The following AFG2A variants were observed in gnomAD, a reference collection of about 807,000 sequenced individuals.
The protein encoded by AFG2A is ATPase family gene 2 protein homolog A.
chr4:123,071,281 G>T, the AFG2A span, among the ~76,000 whole-genome samples: 1 of 152,184 alleles, frequency 6.6e-6, no homozygotes, highest in Admixed American at 6.5e-5. Context: ...AGGAGTTGGA[G>T]ACCAACCTGA....
the AFG2A span, among the ~76,000 whole-genome samples, chr4:123,080,894 TTGAC>T: frequency 2.0e-5 from 3 of 152,212 alleles, no homozygotes; most frequent in East Asian, 1.9e-4. Flanking sequence ...ATTTTTCTAA[TTGAC>T]TGACATCAAT....
the AFG2A span, among the ~76,000 whole-genome samples, chr4:123,135,947 A>G: frequency 6.6e-6 from 1 of 152,332 alleles, no homozygotes; most frequent in African/African-American, 2.4e-5. Flanking sequence ...GTTTTACACT[A>G]ACAACAAACT....
chr4:123,242,512 TTAA>T, the AFG2A span, among the ~76,000 whole-genome samples: 1 of 152,214 alleles, frequency 6.6e-6, no homozygotes, highest in Non-Finnish European at 1.5e-5. Context: ...GATTCCCTAT[TTAA>T]TACATGGTGC....
chr4:122,954,006 A>G, the AFG2A span, among the ~76,000 whole-genome samples: 2 of 152,218 alleles, frequency 1.3e-5, no homozygotes, highest in African/African-American at 4.8e-5. Context: ...GGTGATGTTC[A>G]GCATAGATAG....
chr4:123,100,477 C>A, the AFG2A span, among the ~76,000 whole-genome samples: 1 of 151,788 alleles, frequency 6.6e-6, no homozygotes, highest in African/African-American at 2.4e-5. Context: ...CATTGTTTTT[C>A]CGTCTAAAGC....
chr4:123,032,521 A>G, the AFG2A span, among the ~76,000 whole-genome samples: 3 of 151,990 alleles, frequency 2.0e-5, no homozygotes. Flanking sequence ...CCTCCCAAGT[A>G]TCTGGGGTTA....
the AFG2A span, among the ~76,000 whole-genome samples, chr4:123,151,137 T>C: frequency 6.6e-6 from 1 of 152,148 alleles, no homozygotes; most frequent in African/African-American, 2.4e-5. Context: ...GATTAAAGAC[T>C]TAAACATAAG....
the AFG2A span, among the ~76,000 whole-genome samples, chr4:123,265,535 C>T: frequency 6.6e-6 from 1 of 152,114 alleles, no homozygotes; most frequent in Admixed American, 6.5e-5. Flanking sequence ...TACACCAAAG[C>T]TAATCATACT....
the AFG2A span, among the ~76,000 whole-genome samples, chr4:123,002,965 T>C: frequency 1.3e-5 from 2 of 152,348 alleles, no homozygotes; most frequent in Non-Finnish European, 2.9e-5. Context: ...ATTTGGTCTT[T>C]TCACATAGTC....
At chr4:123,166,812 T>C in the AFG2A span, among the ~76,000 whole-genome samples, 4 of 152,228 alleles carry the variant, frequency 2.6e-5, no homozygotes, top group Non-Finnish European at 5.9e-5. Context: ...CTTAATTAAC[T>C]ATGTCTACCT....
chr4:123,303,349 C>T, the AFG2A span, among the ~76,000 whole-genome samples: 7 of 152,002 alleles, frequency 4.6e-5, no homozygotes, highest in Non-Finnish European at 7.4e-5. Context: ...TGCAAGACCC[C>T]GTCTCCTAAA....
chr4:123,193,528 A>G, the AFG2A span, among the ~76,000 whole-genome samples: 1 of 152,226 alleles, frequency 6.6e-6, no homozygotes, highest in South Asian at 2.1e-4. Flanking sequence ...ACTATAGACA[A>G]AAGTGTAATT....
chr4:122,923,398 T>G, the AFG2A span: 2 of 1,533,916 alleles, frequency 1.3e-6, no homozygotes, highest in Non-Finnish European at 1.8e-6. Context: ...CAGAGACTTT[T>G]GAAAGTTGGG....
At chr4:123,076,322 A>G in the AFG2A span, among the ~76,000 whole-genome samples, 1 of 152,126 alleles carries the variant, frequency 6.6e-6, no homozygotes, top group African/African-American at 2.4e-5. Flanking sequence ...TTTAAAACAA[A>G]TTCAAAATAA....
chr4:122,991,789 G>A, the AFG2A span, among the ~76,000 whole-genome samples: 2 of 152,090 alleles, frequency 1.3e-5, no homozygotes, highest in Non-Finnish European at 1.5e-5. Flanking sequence ...TTCTATAGCA[G>A]AACATGCTCA....
At chr4:123,063,576 C>G in the AFG2A span, among the ~76,000 whole-genome samples, 27 of 152,190 alleles carry the variant, frequency 1.8e-4, no homozygotes, top group African/African-American at 6.0e-4. Context: ...GAAACCCCGT[C>G]TCTACTAAAA....
chr4:123,274,749 A>G, the AFG2A span, among the ~76,000 whole-genome samples: 1 of 152,062 alleles, frequency 6.6e-6, no homozygotes, highest in African/African-American at 2.4e-5. Flanking sequence ...TCATTCCTAT[A>G]TGAAGGAACA....
chr4:123,048,621 G>A, the AFG2A span, among the ~76,000 whole-genome samples: 1 of 152,046 alleles, frequency 6.6e-6, no homozygotes, highest in South Asian at 2.1e-4. Context: ...TTGTTTGTTT[G>A]TTTTGAAGTT....
chr4:123,025,785 A>G, the AFG2A span, among the ~76,000 whole-genome samples: 1 of 152,122 alleles, frequency 6.6e-6, no homozygotes, highest in Non-Finnish European at 1.5e-5. Flanking sequence ...AAAGTTTTTG[A>G]CCATCAAGCA....
Sources: allele counts gnomAD v4.1 joint callset (sites outside exome capture counted in the v4.1 genomes callset), GRCh38; gene constraint gnomAD v4.1.1; transcripts MANE v1.5; gene names NCBI Gene and HGNC (gene_info 2026-07-23, HGNC 2026-07-21).